Variants in DAB1 observed in about 807,000 individuals in gnomAD.
DAB1 encodes the protein disabled homolog 1.
A neutral mutation model predicts 64.6 loss-of-function variants in DAB1; 15 were observed. The ratio of observed to expected loss-of-function variants is 0.23; its 90% confidence interval spans 0.16 to 0.36. DAB1 has a LOEUF of 0.36. Ranked by LOEUF, DAB1 falls within the 10% of genes least tolerant of loss-of-function variation. The pLI is 1.00. For missense variants in DAB1, 596 were observed against 706.7 expected (o/e 0.84, Z 1.78); for synonymous variants, 235 against 251.9 (o/e 0.93, Z 0.64).
intron 2 of DAB1, among the ~76,000 whole-genome samples, chr1:57,278,122 G>T (rs1019007047): frequency 1.3e-4 from 20 of 152,204 alleles, no homozygotes; most frequent in Non-Finnish European, 7.3e-5. Flanking sequence ...GGTCTCTGCT[G>T]GGAAACAGCA....
At chr1:58,093,112 C>T (rs1392178766) in intron 5 of DAB1, among the ~76,000 whole-genome samples, 1 of 152,150 alleles carries the variant, frequency 6.6e-6, no homozygotes, top group East Asian at 1.9e-4. Context: ...GCCAGACTAC[C>T]CTTTTTCGAC....
intron 3 of DAB1, among the ~76,000 whole-genome samples, chr1:58,470,504 C>G (rs899721181): frequency 2.6e-5 from 4 of 152,260 alleles, no homozygotes; most frequent in African/African-American, 9.6e-5. Context: ...AGATCCAGGC[C>G]TGATCCTTAT....
intron 4 of DAB1, among the ~76,000 whole-genome samples, chr1:58,325,981 G>A (rs534000961): frequency 9.9e-5 from 15 of 152,128 alleles, no homozygotes; most frequent in African/African-American, 2.4e-4. Context: ...TCTGCCACTC[G>A]GCCACCCCAC....
At chr1:58,106,922 T>C (rs1570359897) in intron 5 of DAB1, among the ~76,000 whole-genome samples, 1 of 143,378 alleles carries the variant, frequency 7.0e-6, no homozygotes, top group African/African-American at 2.6e-5. Flanking sequence ...CCTCCTCCTT[T>C]CCTTCCTTCC....
intron 2 of DAB1, among the ~76,000 whole-genome samples, chr1:57,218,515 T>TAAAAAAAAAAAAAAAAAAAAAA (rs776398255): frequency 1.4e-5 from 1 of 71,452 alleles, no homozygotes; most frequent in African/African-American, 7.4e-5. Context: ...CCCCCATCTC[T>TAAAAAAAAAAAAAAAAAAAAAA]AAAAAAAAAA....
chr1:57,676,341 A>G (rs1449244015), intron 6 of DAB1, among the ~76,000 whole-genome samples: 2 of 152,264 alleles, frequency 1.3e-5, no homozygotes, highest in Admixed American at 1.3e-4. Context: ...GAAGCAGATA[A>G]GAATGATCGA....
intron 7 of DAB1, among the ~76,000 whole-genome samples, chr1:57,505,232 T>C (rs1644330898): frequency 6.6e-6 from 1 of 152,198 alleles, no homozygotes; most frequent in Non-Finnish European, 1.5e-5. Flanking sequence ...TATTCTAAAA[T>C]AAAAAGTTTC....
intron 1 of DAB1, among the ~76,000 whole-genome samples, chr1:57,841,945 T>C (rs1272607327): frequency 1.3e-5 from 2 of 152,248 alleles, no homozygotes; most frequent in Admixed American, 1.3e-4. Flanking sequence ...GGTTTTTCTT[T>C]TCTACTGCAT....
At chr1:57,857,166 T>G (rs1318004086) in intron 1 of DAB1, among the ~76,000 whole-genome samples, 2 of 152,224 alleles carry the variant, frequency 1.3e-5, no homozygotes, top group Non-Finnish European at 2.9e-5. Context: ...AAAGTAACTA[T>G]GTGATACAGT....
chr1:58,049,452 T>A, intron 5 of DAB1: 1 of 303,094 alleles, frequency 3.3e-6, no homozygotes, highest in South Asian at 5.4e-5. Flanking sequence ...AAAGGTTCTA[T>A]GGGGCCTTCT....
At chr1:57,477,859 C>T (rs1643957135) in intron 7 of DAB1, among the ~76,000 whole-genome samples, 1 of 152,124 alleles carries the variant, frequency 6.6e-6, no homozygotes, top group South Asian at 2.1e-4. Context: ...ATAAATTACA[C>T]ACCTCATCCT....
At chr1:57,101,440 C>T (rs1003047575) in intron 4 of DAB1, among the ~76,000 whole-genome samples, 1 of 152,212 alleles carries the variant, frequency 6.6e-6, no homozygotes, top group African/African-American at 2.4e-5. Context: ...CAGTTTTGCA[C>T]ATTTGCAAAG....
intron 3 of DAB1, among the ~76,000 whole-genome samples, chr1:58,412,078 T>C (rs978819224): frequency 6.6e-6 from 1 of 152,178 alleles, no homozygotes; most frequent in Non-Finnish European, 1.5e-5. Flanking sequence ...GATGGGCACA[T>C]AACCCACACT....
intron 3 of DAB1, among the ~76,000 whole-genome samples, chr1:58,441,401 CTT>C (rs1299590093): frequency 3.9e-5 from 6 of 152,188 alleles, no homozygotes; most frequent in Admixed American, 2.6e-4. Flanking sequence ...CAGTGTAGCT[CTT>C]GAGGTTGTCA....
intron 1 of DAB1, among the ~76,000 whole-genome samples, chr1:58,537,895 A>T (rs1368433703): frequency 1.3e-5 from 2 of 152,240 alleles, no homozygotes; most frequent in Admixed American, 1.3e-4. Flanking sequence ...CAAAAACAAG[A>T]AAGTTACAAA....
At chr1:57,772,319 A>C (rs1649597877) in intron 6 of DAB1, among the ~76,000 whole-genome samples, 1 of 152,130 alleles carries the variant, frequency 6.6e-6, no homozygotes, top group African/African-American at 2.4e-5. Context: ...ATTTCTGTTA[A>C]TTATAAATTA....
chr1:57,189,599 C>T (rs1663931149), intron 2 of DAB1, among the ~76,000 whole-genome samples: 1 of 152,100 alleles, frequency 6.6e-6, no homozygotes, highest in Admixed American at 6.6e-5. Context: ...TCATCTCTGA[C>T]AGTAAAAGGG....
chr1:56,995,166 T>G lies in DAB1; in HGVS notation c.*2978A>C, dbSNP rs576962451. ...GTAAAGATTGAAGAGCTATGGAGAA[T>G]GGGGACAGAATGACAGGTGGTGTTT... On this transcript the variant is annotated 3_prime_UTR_variant, in exon 15 of 15. Transcript: ENST00000371236. 1.1e-4 allele frequency: 16 copies of G among 152,330 alleles called. No individual in the cohort carries two copies. In the East Asian group the frequency reaches 3.1e-3, roughly 29 times the overall value. 9.4% of individuals were successfully genotyped at this position (152,330 alleles called of 1,614,324 possible). A position where few individuals can be genotyped will look rare whatever the true frequency, so the allele number is the denominator to read the frequency against.
At chr1:58,212,093 G>T (rs1330413154) in intron 4 of DAB1, among the ~76,000 whole-genome samples, 1 of 152,152 alleles carries the variant, frequency 6.6e-6, no homozygotes, top group Non-Finnish European at 1.5e-5. Flanking sequence ...TAATGGTCTT[G>T]TTACCTCCAT....
Sources: allele counts gnomAD v4.1 joint callset (sites outside exome capture counted in the v4.1 genomes callset), GRCh38; gene constraint gnomAD v4.1.1; transcripts MANE v1.5; gene names NCBI Gene and HGNC (gene_info 2026-07-23, HGNC 2026-07-21).